Variants in GLI3 observed in about 807,000 individuals in gnomAD.
GLI3 encodes the protein transcription activator GLI3.
In GLI3, 20 loss-of-function variants were observed where a neutral mutation model predicts 100.8. The observed-to-expected ratio is 0.20, with a 90% CI of 0.14 to 0.29. The LOEUF is 0.29. GLI3 is among the 10% of genes least tolerant of loss of function. GLI3 has a pLI of 1.00. For missense variants in GLI3, 2,040 were observed against 2,128.5 expected (o/e 0.96, Z 0.82); for synonymous variants, 938 against 860.5 (o/e 1.09, Z -1.58).
chr7:41,992,416 G>A (rs1012041958), intron 10 of GLI3, among the ~76,000 whole-genome samples: 1 of 152,130 alleles, frequency 6.6e-6, no homozygotes, highest in Non-Finnish European at 1.5e-5. Context: ...GACATCTCTG[G>A]TAGAGAGATC....
intron 2 of GLI3, among the ~76,000 whole-genome samples, chr7:42,221,725 C>T (rs1788491103): frequency 6.6e-6 from 1 of 152,132 alleles, no homozygotes; most frequent in African/African-American, 2.4e-5. Context: ...AATAAATTTG[C>T]CTAAATTTTA....
rs147857013 is a variant in GLI3, at chr7:42,124,615, G to A, written c.367+23611C>T. On this transcript the variant is annotated intron_variant, in intron 3 of 14. Transcript: ENST00000395925. The stretch of plus-strand genomic sequence containing the variant: ...AACCAAGTATGGAAAGCCAAGTACA[G>A]TATCATGGAACCAAATTCAAATGCT... 1.6e-3 allele frequency among the ~76,000 whole-genome samples: 241 copies of A among 152,326 alleles called. 4 individuals carry two copies. The East Asian group carries it at 0.043, about 27-fold the overall frequency.
At chr7:41,986,091 G>A (rs1437299724) in intron 10 of GLI3, among the ~76,000 whole-genome samples, 2 of 152,002 alleles carry the variant, frequency 1.3e-5, no homozygotes, top group Non-Finnish European at 2.9e-5. Context: ...ATACCCAGAG[G>A]ACTCAAGACT....
At position 42,089,388 on chromosome 7, in the gene GLI3, T is replaced by C. The variant is rs568814167; in HGVS notation, c.368-12531A>G. ...GATAATACGGGATTTAAACAAAACA[T>C]TTGAAACAAAGCATGGATTTAATAA... On this transcript the variant is annotated intron_variant, in intron 3 of 14. Coordinates refer to ENST00000395925, the MANE Select transcript of GLI3 (RefSeq NM_000168.6). Among the ~76,000 whole-genome samples the C allele has an allele frequency of 2.6e-5, 4 of 152,328 alleles. No individual in the cohort carries two copies. The South Asian group carries it at 8.3e-4, about 32-fold the overall frequency.
chr7:42,133,991 G>T (rs956749736), intron 3 of GLI3, among the ~76,000 whole-genome samples: 1 of 150,296 alleles, frequency 6.7e-6, no homozygotes, highest in South Asian at 2.1e-4. Flanking sequence ...TGAGGCAAAA[G>T]AATTGGTTGA....
chr7:41,991,653 T>C (rs1434758173), intron 10 of GLI3, among the ~76,000 whole-genome samples: 1 of 152,214 alleles, frequency 6.6e-6, no homozygotes, highest in Admixed American at 6.5e-5. Context: ...GGGCAAAACA[T>C]ATATGAGACA....
intron 7 of GLI3, among the ~76,000 whole-genome samples, chr7:42,038,791 A>T (rs1784071124): frequency 1.3e-5 from 2 of 152,228 alleles, no homozygotes; most frequent in Non-Finnish European, 2.9e-5. Context: ...TGTAATGGAG[A>T]ACATTAGGGA....
intron 10 of GLI3, among the ~76,000 whole-genome samples, chr7:41,991,997 G>C (rs1041335562): frequency 6.6e-6 from 1 of 152,164 alleles, no homozygotes; most frequent in African/African-American, 2.4e-5. Context: ...GCAGCCTGGG[G>C]AAAAATTATA....
intron 3 of GLI3, among the ~76,000 whole-genome samples, chr7:42,140,071 T>C (rs1014846351): frequency 6.6e-6 from 1 of 152,238 alleles, no homozygotes; most frequent in African/African-American, 2.4e-5. Context: ...ATGTCAGTTC[T>C]TCCTTTGGCT....
At chr7:41,988,403 C>T (rs1486489914) in intron 10 of GLI3, among the ~76,000 whole-genome samples, 1 of 137,948 alleles carries the variant, frequency 7.2e-6, no homozygotes, top group Non-Finnish European at 1.5e-5. Flanking sequence ...GAGGAGGTTG[C>T]AGTGAGCCAA....
chr7:41,968,763 G>GGAAGGAAAGAAAGAAA, intron 13 of GLI3, among the ~76,000 whole-genome samples: 1 of 56,750 alleles, frequency 1.8e-5, no homozygotes, highest in African/African-American at 8.1e-5. Context: ...AAAGAAAGAA[G>GGAAGGAAAGAAAGAAA]GAAAGAAAGA....
chr7:42,230,678 T>G (rs1166970698), intron 1 of GLI3, among the ~76,000 whole-genome samples: 3 of 152,232 alleles, frequency 2.0e-5, no homozygotes, highest in Non-Finnish European at 2.9e-5. Context: ...TGAGAAACAT[T>G]TGAGGGGAGT....
intron 10 of GLI3, among the ~76,000 whole-genome samples, chr7:41,999,957 C>T (rs368123226): frequency 1.3e-5 from 2 of 152,188 alleles, no homozygotes; most frequent in Non-Finnish European, 2.9e-5. Flanking sequence ...CTATGACATG[C>T]TGTACTAACT....
At chr7:42,039,408 A>C (rs10244735) in intron 7 of GLI3, among the ~76,000 whole-genome samples, 11,837 of 152,298 alleles carry the variant, frequency 0.078, 571 homozygotes, top group Non-Finnish European at 0.1. Context: ...TCTGTCAAGC[A>C]AGGAACTATC....
chr7:41,963,039 G>A lies in GLI3; in HGVS notation c.*1291C>T, dbSNP rs1787049463. The A allele has an allele frequency of 6.6e-6, 1 of 152,168 alleles. No individual in the cohort carries two copies. Among genetic ancestry groups the A allele is most frequent in the Non-Finnish European group, 1.5e-5 (1 of 68,028 alleles). The allele number at this position is 152,168 out of a possible 1,614,324, so 9.4% of individuals were successfully genotyped here. On this transcript the variant is annotated 3_prime_UTR_variant, in exon 15 of 15. Coordinates refer to ENST00000395925, the MANE Select transcript of GLI3 (RefSeq NM_000168.6). ...AAAGTACAGATCCAGTCCACATTAA[G>A]GACTAACTGCATGTAACATTTAACT...
chr7:41,984,852 A>T (rs1483941391), intron 10 of GLI3, among the ~76,000 whole-genome samples: 1 of 152,262 alleles, frequency 6.6e-6, no homozygotes, highest in East Asian at 1.9e-4. Flanking sequence ...TACGACGCCA[A>T]GTTCATCACA....
At chr7:41,994,996 T>A (rs1194564711) in intron 10 of GLI3, among the ~76,000 whole-genome samples, 1 of 152,228 alleles carries the variant, frequency 6.6e-6, no homozygotes, top group African/African-American at 2.4e-5. Context: ...CTCTGGGGAA[T>A]AAATAATGAA....
intron 2 of GLI3, among the ~76,000 whole-genome samples, chr7:42,183,655 A>T (rs1787662034): frequency 6.6e-6 from 1 of 152,214 alleles, no homozygotes; most frequent in African/African-American, 2.4e-5. Flanking sequence ...CCGTCAAATA[A>T]AGAACAAGTA....
rs1483820076 is a variant in GLI3, at chr7:42,245,883, AAG to A, written c.-43+18109_-43+18110del. ...GTTAAATGAAAGAAACAGAGAAAGA[AAG>A]AGAGAAAAAAGAAAGAAAAGGAAAA... On this transcript the variant is annotated intron_variant, in intron 1 of 2. Coordinates refer to the GLI3 transcript ENST00000678978. 2.2e-5 allele frequency among the ~76,000 whole-genome samples: 3 copies of A among 137,502 alleles called. No homozygotes were observed. In the Admixed American group the frequency reaches 2.4e-4, roughly 11 times the overall value. The allele number at this position is 137,502 out of a possible 152,430, so 90.2% of individuals were successfully genotyped here.
Sources: allele counts gnomAD v4.1 joint callset (sites outside exome capture counted in the v4.1 genomes callset), GRCh38; gene constraint gnomAD v4.1.1; transcripts MANE v1.5; gene names NCBI Gene and HGNC (gene_info 2026-07-23, HGNC 2026-07-21).